Variants in TNRC6B observed in about 807,000 individuals in gnomAD.
TNRC6B encodes trinucleotide repeat containing adaptor 6B, also known as trinucleotide repeat-containing gene 6B protein.
A neutral mutation model predicts 203.6 loss-of-function variants in TNRC6B; 52 were observed. That is an observed-to-expected ratio of 0.26 (90% CI 0.20 to 0.32). The LOEUF (loss-of-function observed/expected upper bound fraction) is 0.32, where lower values mean the gene tolerates loss of function less well. TNRC6B is among the 10% of genes least tolerant of loss of function. The pLI, the probability that TNRC6B is intolerant of heterozygous loss-of-function variation, is 1.00. For synonymous variants in TNRC6B, 838 were observed against 845.7 expected, an observed-to-expected ratio of 0.99 and a Z score of 0.16; for missense variants, 1,923 against 2,286.2, an observed-to-expected ratio of 0.84 and a Z score of 3.24.
At chr22:40,152,991 A>G (rs555995618) in intron 3 of TNRC6B, among the ~76,000 whole-genome samples, 4 of 151,884 alleles carry the variant, frequency 2.6e-5, no homozygotes, top group African/African-American at 2.4e-5. Flanking sequence ...AGTCCCAACT[A>G]CTCGGGAGGC....
At chr22:40,112,386 A>G (rs1601821413) in intron 1 of TNRC6B, among the ~76,000 whole-genome samples, 1 of 152,174 alleles carries the variant, frequency 6.6e-6, no homozygotes, top group African/African-American at 2.4e-5. Flanking sequence ...CCTGTCCCCC[A>G]GTCTGCCATG....
rs145659488 is a variant in TNRC6B, at chr22:40,186,471, G to A, written c.5+8331G>A. On this transcript the variant is annotated intron_variant, in intron 1 of 22. Coordinates refer to ENST00000454349, the MANE Select transcript of TNRC6B (RefSeq NM_001162501.2). ...AAAAAGTAAACAGTCCAGGCACGGT[G>A]GCTCACACCTGTAATCCCAGCACTT... Among the ~76,000 whole-genome samples, 691 of 152,066 alleles carry A rather than the reference G, an allele frequency of 4.5e-3. 6 individuals carry two copies. The highest frequency in any genetic ancestry group is 0.015 in the African/African-American group (632 of 41,466).
At position 40,265,716 on chromosome 22, in the gene TNRC6B, T is replaced by A; in HGVS notation, c.1486T>A (p.Trp496Arg). Residue 496 changes from tryptophan to arginine, a missense_variant, in exon 5 of 23, where the codon TGG becomes AGG. Trp to Arg is a moderately radical substitution (Grantham distance 101). Coordinates refer to ENST00000454349, the MANE Select transcript of TNRC6B (RefSeq NM_001162501.2). Reference protein sequence around the residue: ...FGPQDSNDNKWGEGNKMTSGV... With the variant: ...FGPQDSNDNKRGEGNKMTSGV... ...CCCCCAGGACTCTAATGACAACAAA[T>A]GGGGTGAAGGGAACAAAATGACATC... The A allele has an allele frequency of 6.2e-7, 1 of 1,613,708 alleles. No individual in the cohort carries two copies. The highest frequency in any genetic ancestry group is 8.5e-7 in the Non-Finnish European group (1 of 1,179,826).
intron 15 of TNRC6B, among the ~76,000 whole-genome samples, chr22:40,307,583 G>A (rs997836489): frequency 2.9e-4 from 44 of 151,958 alleles, no homozygotes; most frequent in Admixed American, 1.1e-3. Flanking sequence ...AGATTCTGCT[G>A]TGTGGCTTCC....
At chr22:40,313,402 T>C (rs564635500) in intron 19 of TNRC6B, among the ~76,000 whole-genome samples, 16 of 150,934 alleles carry the variant, frequency 1.1e-4, no homozygotes, top group Non-Finnish European at 1.6e-4. Context: ...CTCCCACTTA[T>C]AGACAAAGGC....
chr22:40,078,314 G>C (rs1200409865), intron 1 of TNRC6B, among the ~76,000 whole-genome samples: 1 of 152,172 alleles, frequency 6.6e-6, no homozygotes, highest in African/African-American at 2.4e-5. Context: ...TTGAGGCCAG[G>C]AGTTCAAGAC....
At chr22:40,254,226 A>G (rs2070235789) in intron 3 of TNRC6B, among the ~76,000 whole-genome samples, 1 of 152,226 alleles carries the variant, frequency 6.6e-6, no homozygotes, top group Non-Finnish European at 1.5e-5. Flanking sequence ...GAGTAGAACT[A>G]AAAGAGTTTG....
intron 2 of TNRC6B, among the ~76,000 whole-genome samples, chr22:40,118,237 G>A (rs895446257): frequency 1.3e-5 from 2 of 152,124 alleles, no homozygotes. Flanking sequence ...CCACTGCTAA[G>A]GTCAAAATAC....
chr22:40,053,666 C>T (rs1245563536), intron 1 of TNRC6B, among the ~76,000 whole-genome samples: 1 of 152,232 alleles, frequency 6.6e-6, no homozygotes, highest in East Asian at 1.9e-4. Flanking sequence ...TCTTTGCATC[C>T]CTAGGCACAT....
chr22:40,322,984 C>G lies in TNRC6B; in HGVS notation c.5245C>G (p.Leu1749Val). The G allele has an allele frequency of 6.2e-7, 1 of 1,611,056 alleles. No individual in the cohort carries two copies. Among genetic ancestry groups the G allele is most frequent in the Non-Finnish European group, 8.5e-7 (1 of 1,178,544 alleles). The change falls in exon 23 of 23, where the codon CTG (leucine) becomes GTG (valine). Residue 1749 changes from leucine (L) to valine (V), a missense_variant. Physicochemically the swap from Leu to Val is conservative, Grantham distance 32. This residue lies in a region of TNRC6B where 126 missense variants were observed against 137.5 expected (regional missense o/e 0.92). Transcript: ENST00000454349. ...PSAPAAGWQS[L>V]ETGQNQSDPV... ...TGCGCCAGCTGCGGGGTGGCAGTCG[C>G]TGGAGACCGGCCAGAACCAGTCAGA...
chr22:40,144,468 G>T lies in TNRC6B; in HGVS notation c.46-11647G>T, dbSNP rs545003688. Among the ~76,000 whole-genome samples the T allele has an allele frequency of 3.6e-3, 543 of 152,236 alleles. 4 individuals carry two copies. The highest frequency in any genetic ancestry group is 0.012 in the African/African-American group (516 of 41,540). On this transcript the variant is annotated intron_variant, in intron 3 of 23. Coordinates refer to the TNRC6B transcript ENST00000301923. ...AGGCGGGCGGATCACGAGGTCAGGA[G>T]ATCGAGACCATCCTGGCTAACATGG...
At chr22:40,068,272 A>G (rs2067913897) in intron 1 of TNRC6B, among the ~76,000 whole-genome samples, 1 of 152,184 alleles carries the variant, frequency 6.6e-6, no homozygotes, top group Non-Finnish European at 1.5e-5. Flanking sequence ...AGTGAACCTT[A>G]TAGTAGATAG....
chr22:40,270,311 T>G, intron 6 of TNRC6B, 31 bp downstream of exon 6: 1 of 1,304,518 alleles, frequency 7.7e-7, no homozygotes, highest in Non-Finnish European at 9.8e-7. Context: ...TTTTGAGGGA[T>G]CCTTTTTTTT....
At chr22:40,315,612 G>T in intron 20 of TNRC6B, 105 bp downstream of exon 20, 1 of 1,279,566 alleles carries the variant, frequency 7.8e-7, no homozygotes, top group Admixed American at 2.6e-5. Flanking sequence ...AGGAAGTCAT[G>T]GTTGTCTGCT....
At chr22:40,245,207 C>T (rs1211176353) in intron 1 of TNRC6B, among the ~76,000 whole-genome samples, 1 of 152,120 alleles carries the variant, frequency 6.6e-6, no homozygotes, top group African/African-American at 2.4e-5. Flanking sequence ...TCTCCTGCCT[C>T]AGCCTCCCGA....
intron 3 of TNRC6B, among the ~76,000 whole-genome samples, chr22:40,130,525 T>G (rs971720972): frequency 6.6e-6 from 1 of 151,910 alleles, no homozygotes; most frequent in African/African-American, 2.4e-5. Flanking sequence ...CTCACGCCTG[T>G]AATCCCAGCA....
intron 1 of TNRC6B, among the ~76,000 whole-genome samples, chr22:40,072,237 T>C (rs2067955966): frequency 6.6e-6 from 1 of 152,142 alleles, no homozygotes; most frequent in African/African-American, 2.4e-5. Context: ...TAATGAAAAA[T>C]AATTTTTAGG....
intron 1 of TNRC6B, among the ~76,000 whole-genome samples, chr22:40,229,905 A>G (rs138047): frequency 0.32 from 48,788 of 152,114 alleles, 9,585 homozygotes; most frequent in East Asian, 0.57. Context: ...GCTCTTATCA[A>G]TAAAGCTATG....
intron 1 of TNRC6B, among the ~76,000 whole-genome samples, chr22:40,080,825 T>C (rs552468305): frequency 6.7e-6 from 1 of 149,926 alleles, no homozygotes; most frequent in South Asian, 2.1e-4. Flanking sequence ...TGTATAACTT[T>C]CTTTCTTTTT....
Sources: gnomAD v4.1 joint callset for allele counts (sites outside exome capture counted in the v4.1 genomes callset) on GRCh38, gnomAD v4.1.1 for gene constraint, gnomAD v4.1.1 regional missense constraint, MANE v1.5 for transcripts, NCBI Gene and HGNC (gene_info 2026-07-23, HGNC 2026-07-21) for gene names.